The following KLHL22 variants were observed in gnomAD, a reference collection of about 807,000 sequenced individuals.
KLHL22 encodes kelch like family member 22.
KLHL22 carries 18 observed loss-of-function variants against 60.7 expected under a neutral mutation model. The ratio of observed to expected loss-of-function variants is 0.30; its 90% CI spans 0.20 to 0.44. KLHL22 has a LOEUF of 0.44. Ranked by LOEUF, KLHL22 falls within the 20% of genes least tolerant of loss-of-function variation. The probability of loss-of-function intolerance (pLI) is 1.00; values close to 1 mark genes in which losing one functional copy is unlikely to be tolerated. For synonymous variants in KLHL22, 355 were observed against 354.5 expected (o/e 1.00, Z -0.01); for missense variants, 596 against 852.3 (o/e 0.70, Z 3.74).
intron 2 of KLHL22, chr22:20,488,615 T>G: frequency 7.9e-6 from 2 of 252,972 alleles, no homozygotes; most frequent in Admixed American, 5.5e-5. Context: ...ACCTGAGGGA[T>G]GAGAGGTGTG....
At chr22:20,454,315 C>A (rs969297873) in intron 5 of KLHL22, among the ~76,000 whole-genome samples, 1 of 151,538 alleles carries the variant, frequency 6.6e-6, no homozygotes, top group African/African-American at 2.4e-5. Flanking sequence ...GGTGACAGAG[C>A]GAGACTCTGT....
At chr22:20,493,699 G>A (rs1441524854) in intron 1 of KLHL22, among the ~76,000 whole-genome samples, 1 of 151,862 alleles carries the variant, frequency 6.6e-6, no homozygotes, top group Non-Finnish European at 1.5e-5. Flanking sequence ...GGAGAATCAC[G>A]CCACTGCATT....
At chr22:20,462,991 T>C (rs2146212190) in intron 4 of KLHL22, among the ~76,000 whole-genome samples, 1 of 152,332 alleles carries the variant, frequency 6.6e-6, no homozygotes, top group South Asian at 2.1e-4. Context: ...TAAAAGCCTA[T>C]AGCTTTTAGA....
chr22:20,465,582 G>A lies in KLHL22; in HGVS notation c.394-6C>T. 7.3e-7 allele frequency: 1 copy of A among 1,365,172 alleles called. No individual in the cohort carries two copies. Among genetic ancestry groups the A allele is most frequent in the Non-Finnish European group, 1.0e-6 (1 of 953,304 alleles). 84.6% of individuals were successfully genotyped at this position (1,365,172 alleles called of 1,614,324 possible). ...AAATGGATAATTTCTGGGATCTGCAGAGAGAATGACACCCATTCAAGCCTG... is the reference window on the plus strand; with the variant it reads ...AAATGGATAATTTCTGGGATCTGCAAAGAGAATGACACCCATTCAAGCCTG... On this transcript the variant is annotated splice_region_variant and splice_polypyrimidine_tract_variant and intron_variant, in intron 3 of 6. Transcript: ENST00000328879. This position sits in a 1 kb window ranked among gnomAD's most constrained non-coding sequence, Gnocchi z 4.9.
chr22:20,451,752 C>G (rs1008197927), intron 5 of KLHL22: 2 of 1,574,262 alleles, frequency 1.3e-6, no homozygotes, highest in Admixed American at 3.3e-5. Context: ...CTATCATCAA[C>G]AGCTGGGAAG....
chr22:20,487,716 AG>A (rs925219158), intron 2 of KLHL22, among the ~76,000 whole-genome samples: 5 of 152,174 alleles, frequency 3.3e-5, no homozygotes, highest in African/African-American at 1.2e-4. Flanking sequence ...GGCTGTGGAA[AG>A]GGCTAGAAAT....
chr22:20,455,576 T>C (rs1429498876), intron 5 of KLHL22, among the ~76,000 whole-genome samples: 1 of 152,156 alleles, frequency 6.6e-6, no homozygotes, highest in Non-Finnish European at 1.5e-5. Context: ...TAACCACACC[T>C]GGGGTTTCAA....
intron 5 of KLHL22, among the ~76,000 whole-genome samples, chr22:20,454,572 C>T (rs771299973): frequency 7.9e-5 from 12 of 152,160 alleles, no homozygotes; most frequent in Non-Finnish European, 1.5e-4. Context: ...TACATGGCTA[C>T]AGGCAGTTGG....
rs774323101 is a variant in KLHL22, at chr22:20,465,358, G to T, written c.612C>A (p.Arg204=). The change falls in exon 4 of 7, where the codon CGC becomes CGA. Residue 204 remains arginine, a synonymous_variant. Transcript: ENST00000328879. The surrounding 1 kb of genome is among the most constrained non-coding windows in gnomAD (Gnocchi z 4.9). The part of the protein sequence containing the change: ...EKVYSLLSSN[R]LEVSCETEVY... ...CCTCGGTCTCGCAGGAGACCTCCAG[G>T]CGATTGCTGCTGAGGAGGGAGTAGA... 10 of 1,614,042 alleles carry T rather than the reference G, an allele frequency of 6.2e-6. No homozygotes were observed. Among genetic ancestry groups the T allele is most frequent in the Admixed American group, 1.7e-5 (1 of 60,006 alleles).
Position 20,450,125 on chromosome 22 carries a change from G to A in KLHL22, c.1306-3449C>T, listed in dbSNP as rs972956780. ...TGTTCTTTCTCCGCACTGCTTTATG[G>A]GAGGCATTATGGCCCCCAAAGACAT... On this transcript the variant is annotated intron_variant, in intron 5 of 6. Transcript: ENST00000328879. 6.4e-6 allele frequency: 5 copies of A among 783,676 alleles called. No homozygotes were observed. The Admixed American group carries it at 8.5e-5, about 13-fold the overall frequency. 48.5% of individuals were successfully genotyped at this position (783,676 alleles called of 1,614,324 possible). A position where few individuals can be genotyped will look rare whatever the true frequency, so the allele number is the denominator to read the frequency against.
At position 20,465,399 on chromosome 22, in the gene KLHL22, G is replaced by A; in HGVS notation, c.571C>T (p.Leu191Phe). 6.2e-7 allele frequency: 1 copy of A among 1,614,160 alleles called. No individual in the cohort carries two copies. Residue 191 changes from leucine to phenylalanine, a missense_variant, in exon 4 of 7, where the codon CTT becomes TTT. Coordinates refer to ENST00000328879, the MANE Select transcript of KLHL22 (RefSeq NM_032775.4). The surrounding 1 kb of genome is among the most constrained non-coding windows in gnomAD (Gnocchi z 4.9). ...AFSRTDKYRQ[L>F]PLEKVYSLLS... ...AGGGAGTAGACCTTCTCCAATGGAA[G>A]CTGGCGGTACTTGTCAGTCCGAGAG...
At chr22:20,494,064 G>A (rs1015208126) in intron 1 of KLHL22, among the ~76,000 whole-genome samples, 7 of 98,204 alleles carry the variant, frequency 7.1e-5, no homozygotes, top group South Asian at 3.2e-4. Context: ...GGGCGACAGA[G>A]CCAGACTTTG....
chr22:20,451,526 T>C, intron 5 of KLHL22: 1 of 1,597,558 alleles, frequency 6.3e-7, no homozygotes, highest in Non-Finnish European at 8.6e-7. Context: ...GGAGTAGCCC[T>C]GCTGAATGAC....
chr22:20,442,281 T>C lies in KLHL22; in HGVS notation c.1697A>G (p.Tyr566Cys), dbSNP rs2052772363. The change falls in exon 7 of 7, where the codon TAC becomes TGC. Residue 566 changes from tyrosine (Y) to cysteine (C), a missense_variant. By Grantham distance (194) the Tyr-to-Cys change is radical. Coordinates refer to ENST00000328879, the MANE Select transcript of KLHL22 (RefSeq NM_032775.4). ...CTCCCAGCAGTCCTTCTCCACATCG[T>C]AAATGTGCACGTAGCCTGTGCGGCT... is the stretch of plus-strand genomic sequence containing the variant. ...RGSRTGYVHI[Y>C]DVEKDCWEEG... 1 of 1,613,776 alleles carries C rather than the reference T, an allele frequency of 6.2e-7. No individual in the cohort carries two copies. The highest frequency in any genetic ancestry group is 8.5e-7 in the Non-Finnish European group (1 of 1,179,994).
chr22:20,473,693 T>C (rs2053363633), intron 2 of KLHL22, among the ~76,000 whole-genome samples: 1 of 152,066 alleles, frequency 6.6e-6, no homozygotes, highest in South Asian at 2.1e-4. Context: ...CTGACCAACA[T>C]GGAGAAACCC....
chr22:20,465,093 G>C lies in KLHL22; in HGVS notation c.877C>G (p.Leu293Val), dbSNP rs2053211898. 1 of 1,613,762 alleles carries C rather than the reference G, an allele frequency of 6.2e-7. No individual in the cohort carries two copies. Among genetic ancestry groups the C allele is most frequent in the Non-Finnish European group, 8.5e-7 (1 of 1,179,914 alleles). ...QPSLQSPQTE[L>V]RSDFQCVVGF... ...ACAACGCACTGGAAGTCCGACCGCAGCTCCGTTTGCGGGCTCTGCAGGCTG... is the reference window on the plus strand; with the variant it reads ...ACAACGCACTGGAAGTCCGACCGCACCTCCGTTTGCGGGCTCTGCAGGCTG... Residue 293 changes from leucine to valine, a missense_variant, in exon 4 of 7, where the codon CTG (leucine) becomes GTG (valine). Physicochemically the swap from Leu to Val is conservative, Grantham distance 32 (BLOSUM62 1). Coordinates refer to ENST00000328879, the MANE Select transcript of KLHL22 (RefSeq NM_032775.4). This position sits in a 1 kb window ranked among gnomAD's most constrained non-coding sequence, Gnocchi z 4.9.
At chr22:20,467,597 T>A (rs1287528289) in intron 3 of KLHL22, among the ~76,000 whole-genome samples, 6 of 152,268 alleles carry the variant, frequency 3.9e-5, no homozygotes, top group Non-Finnish European at 7.3e-5. Context: ...ATACCTGGCT[T>A]ATCCAGGATC....
At chr22:20,453,803 C>T (rs1441266769) in intron 5 of KLHL22, among the ~76,000 whole-genome samples, 2 of 152,116 alleles carry the variant, frequency 1.3e-5, no homozygotes, top group Non-Finnish European at 2.9e-5. Flanking sequence ...GGCGCAATCT[C>T]GGCTCATTGC....
intron 5 of KLHL22, chr22:20,456,163 T>C (rs1382518696): frequency 4.6e-5 from 7 of 152,202 alleles, no homozygotes; most frequent in Non-Finnish European, 2.9e-5. Context: ...AGATTCATCC[T>C]ACCAGAGCCC....
Sources: gnomAD v4.1 joint callset for allele counts (sites outside exome capture counted in the v4.1 genomes callset) on GRCh38, gnomAD v4.1.1 for gene constraint, Gnocchi (gnomAD v3.1) non-coding constraint, MANE v1.5 for transcripts, NCBI Gene and HGNC (gene_info 2026-07-23, HGNC 2026-07-21) for gene names.